SREK1IP1: variants seen among roughly 807,000 people sequenced by gnomAD.
SREK1IP1 encodes protein SREK1IP1.
A neutral mutation model predicts 22.8 loss-of-function variants in SREK1IP1; 12 were observed. The ratio of observed to expected loss-of-function variants is 0.53; its 90% CI spans 0.34 to 0.85. SREK1IP1 has a LOEUF of 0.85. Among genes scored for constraint, SREK1IP1 ranks in the 40% least tolerant of loss-of-function variants. SREK1IP1 has a pLI of 0.02. For missense variants in SREK1IP1, 147 were observed against 171.8 expected (o/e 0.86, Z 0.81); for synonymous variants, 53 against 52.7 (o/e 1.01, Z -0.02).
At chr5:64,762,843 G>A (rs1359311252) in intron 1 of SREK1IP1, among the ~76,000 whole-genome samples, 1 of 151,980 alleles carries the variant, frequency 6.6e-6, no homozygotes, top group African/African-American at 2.4e-5. Flanking sequence ...CTTGAGGCCA[G>A]GAGTTCAAGA....
At chr5:64,729,321 T>C (rs556458601) in intron 3 of SREK1IP1, among the ~76,000 whole-genome samples, 2 of 152,282 alleles carry the variant, frequency 1.3e-5, no homozygotes, top group East Asian at 1.9e-4. Flanking sequence ...GCATTCTAAG[T>C]GAACAGCAAG....
At chr5:64,727,553 A>ATATTTTTTTTTTTTTT in intron 4 of SREK1IP1, 1 of 84,716 alleles carries the variant, frequency 1.2e-5, no homozygotes, top group African/African-American at 5.5e-5. Flanking sequence ...ATATATATAT[A>ATATTTTTTTTTTTTTT]TTTTTTTTTT....
At chr5:64,747,398 G>T (rs1031823318) in intron 2 of SREK1IP1, among the ~76,000 whole-genome samples, 4 of 152,118 alleles carry the variant, frequency 2.6e-5, no homozygotes, top group Non-Finnish European at 5.9e-5. Context: ...GTTGAAAGGG[G>T]CATGCTATGA....
At position 64,724,502 on chromosome 5, in the gene SREK1IP1, T is replaced by G; in HGVS notation, c.350A>C (p.Lys117Thr). The G allele has an allele frequency of 1.9e-6, 3 of 1,592,238 alleles. No individual in the cohort carries two copies. Among genetic ancestry groups the G allele is most frequent in the Non-Finnish European group, 2.6e-6 (3 of 1,174,496 alleles). ...QKKQKYQKKE[K>T]KKEKKSKSKK... The stretch of plus-strand genomic sequence containing the variant: ...TGATTTACTCTTTTTTTCTTTTTTC[T>G]TTTCTTTCTTCTGATATTTTTGTTT... Residue 117 changes from lysine to threonine, a missense_variant, in exon 5 of 5, where the codon AAG becomes ACG. Coordinates refer to ENST00000513458, the MANE Select transcript of SREK1IP1 (RefSeq NM_173829.4).
chr5:64,733,929 TAGAG>T (rs1378547279), intron 3 of SREK1IP1, among the ~76,000 whole-genome samples: 3 of 152,002 alleles, frequency 2.0e-5, no homozygotes, highest in Non-Finnish European at 4.4e-5. Flanking sequence ...ATTATAAAAA[TAGAG>T]AGCAAAGTTT....
rs1742141343 is a variant in SREK1IP1, at chr5:64,720,597, T to A, written c.*3787A>T. 1 of 151,514 alleles carries A rather than the reference T, an allele frequency of 6.6e-6. No homozygotes were observed. Among genetic ancestry groups the A allele is most frequent in the Non-Finnish European group, 1.5e-5 (1 of 67,994 alleles). 9.4% of individuals were successfully genotyped at this position (151,514 alleles called of 1,614,324 possible). On this transcript the variant is annotated 3_prime_UTR_variant, in exon 5 of 5. Coordinates refer to ENST00000513458, the MANE Select transcript of SREK1IP1 (RefSeq NM_173829.4). ...ATCTCAGCTTACTGCAACTTCCACCTCCTGGGTTTGAGCGATTCTCCTGCC... is the reference window on the plus strand; with the variant it reads ...ATCTCAGCTTACTGCAACTTCCACCACCTGGGTTTGAGCGATTCTCCTGCC...
chr5:64,730,481 C>T (rs559388181), intron 3 of SREK1IP1, among the ~76,000 whole-genome samples: 5 of 151,844 alleles, frequency 3.3e-5, no homozygotes, highest in Admixed American at 2.0e-4. Context: ...GAGGGGATAA[C>T]TGAAGGAATA....
intron 1 of SREK1IP1, among the ~76,000 whole-genome samples, chr5:64,757,310 C>T (rs955221363): frequency 6.6e-6 from 1 of 152,096 alleles, no homozygotes; most frequent in Non-Finnish European, 1.5e-5. Flanking sequence ...GTAGGAGGAT[C>T]GCTCAAGCCC....
In SREK1IP1 at chr5:64,720,880, ACTCCTTCCTC is replaced by A. The variant is rs1272870603; in HGVS notation, c.*3494_*3503del. The A allele has an allele frequency of 6.6e-6, 1 of 151,760 alleles. No homozygotes were observed. The highest frequency in any genetic ancestry group is 1.5e-5 in the Non-Finnish European group (1 of 67,960). The allele number at this position is 151,760 out of a possible 1,614,324, so 9.4% of individuals were successfully genotyped here. On this transcript the variant is annotated 3_prime_UTR_variant, in exon 5 of 5. Transcript: ENST00000513458. ...CAAGCTCCCAAACACGGAACACACG[ACTCCTTCCTC>A]CTGTTCCTAAGAACTTAAAATGGTA...
chr5:64,732,919 G>GA lies in SREK1IP1; in HGVS notation c.206-4741dup, dbSNP rs747301015. On this transcript the variant is annotated intron_variant, in intron 3 of 4. Coordinates refer to ENST00000513458, the MANE Select transcript of SREK1IP1 (RefSeq NM_173829.4). The stretch of plus-strand genomic sequence containing the variant: ...AAATAGAACCAACTGATTTTTTGGG[G>GA]AAAAAAAAAAAAAAGCAAAGCAATT... Among the ~76,000 whole-genome samples, 521 of 127,938 alleles carry GA rather than the reference G, an allele frequency of 4.1e-3. 1 individual carries two copies. Among genetic ancestry groups the GA allele is most frequent in the African/African-American group, 9.5e-3 (334 of 35,134 alleles). 83.9% of individuals were successfully genotyped at this position (127,938 alleles called of 152,430 possible).
Position 64,763,891 on chromosome 5 carries a change from TTATC to T in SREK1IP1, c.13+4610_13+4613del, listed in dbSNP as rs374074250. Reference sequence around the variant, plus strand: ...TCAATTTTTGCTGGGTTTAAACAGTTTATCTATACCTTGCCATCCAACTTAATGG... The same window carrying T: ...TCAATTTTTGCTGGGTTTAAACAGTTTATACCTTGCCATCCAACTTAATGG... On this transcript the variant is annotated intron_variant, in intron 1 of 4. Coordinates refer to ENST00000513458, the MANE Select transcript of SREK1IP1 (RefSeq NM_173829.4). 3.8e-3 allele frequency among the ~76,000 whole-genome samples: 584 copies of T among 152,322 alleles called. 7 individuals carry two copies. Among genetic ancestry groups the T allele is most frequent in the African/African-American group, 0.013 (549 of 41,568 alleles).
At chr5:64,754,139 G>A (rs964873178) in intron 2 of SREK1IP1, among the ~76,000 whole-genome samples, 176 bp downstream of exon 2, 14 of 152,160 alleles carry the variant, frequency 9.2e-5, no homozygotes, top group Admixed American at 6.5e-4. Flanking sequence ...GTCTAAAGCA[G>A]GGAAGAAAAG....
rs187988900 is a variant in SREK1IP1, at chr5:64,760,315, T to C, written c.14-5953A>G. Among the ~76,000 whole-genome samples, 29 of 152,304 alleles carry C rather than the reference T, an allele frequency of 1.9e-4. No individual in the cohort carries two copies. In the East Asian group the frequency reaches 4.8e-3, roughly 25 times the overall value. ...AATTCCAGCTCCCTTTCTAGCCTCA[T>C]GCATTTCAAGGAAATTACTTCTCTT... is the stretch of plus-strand genomic sequence containing the variant. On this transcript the variant is annotated intron_variant, in intron 1 of 4. Coordinates refer to ENST00000513458, the MANE Select transcript of SREK1IP1 (RefSeq NM_173829.4).
chr5:64,763,221 A>G (rs1742981093), intron 1 of SREK1IP1, among the ~76,000 whole-genome samples: 1 of 152,006 alleles, frequency 6.6e-6, no homozygotes, highest in East Asian at 1.9e-4. Flanking sequence ...AGTACAATTA[A>G]TCCGTGAAGA....
rs1324043318 is a variant in SREK1IP1 at position 64,722,639 on chromosome 5, T to A, written c.*1745A>T. The A allele has an allele frequency of 1.3e-5, 2 of 152,092 alleles. No individual in the cohort carries two copies. The highest frequency in any genetic ancestry group is 2.9e-5 in the Non-Finnish European group (2 of 67,996). The allele number at this position is 152,092 out of a possible 1,614,324, so 9.4% of individuals were successfully genotyped here. Reference sequence around the variant, plus strand: ...AAACTAGCAGCAAAGGCAAAACAAATCCCTAAAAACCTACTGGCTCTGTAT... The same window carrying A: ...AAACTAGCAGCAAAGGCAAAACAAAACCCTAAAAACCTACTGGCTCTGTAT... On this transcript the variant is annotated 3_prime_UTR_variant, in exon 5 of 5. Transcript: ENST00000513458.
intron 3 of SREK1IP1, 97 bp downstream of exon 3, chr5:64,740,960 C>A: frequency 8.7e-7 from 1 of 1,153,220 alleles, no homozygotes; most frequent in Non-Finnish European, 1.2e-6. Context: ...CTTACATAAA[C>A]TATAAAAGAG....
At chr5:64,741,501 T>C (rs1742550853) in intron 2 of SREK1IP1, among the ~76,000 whole-genome samples, 1 of 152,144 alleles carries the variant, frequency 6.6e-6, no homozygotes, top group Non-Finnish European at 1.5e-5. Flanking sequence ...TTTCTAAAAA[T>C]ACAGTAATAT....
chr5:64,727,551 A>ATTTTTTTTT (rs1298889800), intron 4 of SREK1IP1: 1 of 98,584 alleles, frequency 1.0e-5, no homozygotes, highest in African/African-American at 5.5e-5. Context: ...ATATATATAT[A>ATTTTTTTTT]TATTTTTTTT....
chr5:64,743,907 C>G (rs1258353350), intron 2 of SREK1IP1, among the ~76,000 whole-genome samples: 1 of 152,112 alleles, frequency 6.6e-6, no homozygotes, highest in East Asian at 1.9e-4. Context: ...CATCAGGCAA[C>G]CATCAAGTGA....
Sources: gnomAD v4.1 joint callset for allele counts (sites outside exome capture counted in the v4.1 genomes callset) on GRCh38, gnomAD v4.1.1 for gene constraint, MANE v1.5 for transcripts, NCBI Gene and HGNC (gene_info 2026-07-23, HGNC 2026-07-21) for gene names.